The following SLC9A2 variants were observed in gnomAD, a reference collection of about 807,000 sequenced individuals.
SLC9A2 encodes the protein sodium/hydrogen exchanger 2.
In SLC9A2, 42 loss-of-function variants were observed where a neutral mutation model predicts 71.7. The ratio of observed to expected loss-of-function variants is 0.59; its 90% CI spans 0.46 to 0.76. The LOEUF (loss-of-function observed/expected upper bound fraction) is 0.76, where lower values mean the gene tolerates loss of function less well. SLC9A2 is among the 30% of genes least tolerant of loss of function. The pLI is 0.00. For synonymous variants in SLC9A2, 396 were observed against 392.5 expected (o/e 1.01, Z -0.10); for missense variants, 829 against 1,017.4 (o/e 0.81, Z 2.52).
At chr2:102,621,172 T>C (rs2012454) in intron 1 of SLC9A2, among the ~76,000 whole-genome samples, 48,502 of 151,150 alleles carry the variant, frequency 0.32, 8,559 homozygotes, top group Admixed American at 0.42. Context: ...ATCAATCAAT[T>C]AATTAATTAA....
intron 1 of SLC9A2, among the ~76,000 whole-genome samples, chr2:102,627,359 A>C (rs1162681872): frequency 6.6e-6 from 1 of 152,108 alleles, no homozygotes; most frequent in Non-Finnish European, 1.5e-5. Context: ...GGGTGATATA[A>C]AAACTCACCT....
intron 7 of SLC9A2, 138 bp from the exon 8 acceptor site, chr2:102,700,932 A>G (rs1677861645): frequency 3.2e-6 from 2 of 616,870 alleles, no homozygotes; most frequent in Non-Finnish European, 5.8e-6. Context: ...CATACTAAAT[A>G]TATAAAATGA....
intron 1 of SLC9A2, among the ~76,000 whole-genome samples, chr2:102,653,292 A>C (rs952734926): frequency 7.9e-5 from 12 of 152,354 alleles, no homozygotes; most frequent in African/African-American, 2.4e-4. Flanking sequence ...AGTACTCATA[A>C]AAGAAAGGAG....
intron 1 of SLC9A2, among the ~76,000 whole-genome samples, chr2:102,626,700 T>G (rs1318776334): frequency 1.3e-5 from 2 of 151,928 alleles, no homozygotes; most frequent in Non-Finnish European, 2.9e-5. Context: ...ATCCAGAATC[T>G]ACAAAGAACT....
chr2:102,694,441 T>C lies in SLC9A2; in HGVS notation c.1453T>C (p.Phe485Leu), dbSNP rs777911303. Residue 485 changes from phenylalanine to leucine, a missense_variant, in exon 6 of 12, where the codon TTT becomes CTT. Phe to Leu is a conservative substitution (Grantham distance 22). Coordinates refer to ENST00000233969, the MANE Select transcript of SLC9A2 (RefSeq NM_003048.6). ...LGITIRPLVEFLDVKRSNKKQ... is the reference protein window; with the variant it reads ...LGITIRPLVELLDVKRSNKKQ... ...AATAACTATTCGACCACTGGTGGAG[T>C]TTCTTGATGTCAAGAGGTCCAATAA... 1 of 1,529,116 alleles carries C rather than the reference T, an allele frequency of 6.5e-7. No homozygotes were observed. The highest frequency in any genetic ancestry group is 1.3e-5 in the South Asian group (1 of 74,966). 94.7% of individuals were successfully genotyped at this position (1,529,116 alleles called of 1,614,324 possible).
intron 3 of SLC9A2, 120 bp from the exon 4 acceptor site, chr2:102,683,141 C>T (rs764868984): frequency 3.0e-5 from 21 of 708,228 alleles, no homozygotes; most frequent in Non-Finnish European, 4.9e-5. Flanking sequence ...AAAAATCATT[C>T]GATGATGTTG....
chr2:102,632,063 C>T (rs1370579496), intron 1 of SLC9A2, among the ~76,000 whole-genome samples: 2 of 109,076 alleles, frequency 1.8e-5, no homozygotes, highest in African/African-American at 7.2e-5. Context: ...TATATATACA[C>T]ACACATATAT....
intron 9 of SLC9A2, 77 bp from the exon 10 acceptor site, chr2:102,704,465 TAA>T (rs1677933935): frequency 1.1e-5 from 15 of 1,424,346 alleles, no homozygotes; most frequent in Non-Finnish European, 1.5e-5. Flanking sequence ...AGAAATGTGG[TAA>T]AGTCTTGGAA....
In SLC9A2 at chr2:102,708,417, G is replaced by T. The variant is rs1431454381; in HGVS notation, c.2367G>T (p.Pro789=). The T allele has an allele frequency of 1.4e-5, 23 of 1,614,076 alleles. No individual in the cohort carries two copies. Among genetic ancestry groups the T allele is most frequent in the Non-Finnish European group, 1.7e-5 (20 of 1,180,046 alleles). ...TGACTGAAGGCATCCCGCCCAAGCCGCCACCACGGCTGGTCTGGAGGGCAT... is the reference window on the plus strand; with the variant it reads ...TGACTGAAGGCATCCCGCCCAAGCCTCCACCACGGCTGGTCTGGAGGGCAT... ...DSLTEGIPPK[P]PPRLVWRASE... is the part of the protein sequence containing the mutation. Residue 789 remains proline, a synonymous_variant, in exon 12 of 12, where the codon CCG becomes CCT. Transcript: ENST00000233969.
In SLC9A2 at chr2:102,710,624, G is replaced by A. The variant is rs2104562320; in HGVS notation, c.*2135G>A. ...TTATCAGTTTAAATTTTTTTTGTTT[G>A]TTGAATGACAAAGGCAATAAAAATA... On this transcript the variant is annotated 3_prime_UTR_variant, in exon 12 of 12. Coordinates refer to ENST00000233969, the MANE Select transcript of SLC9A2 (RefSeq NM_003048.6). 1 of 151,824 alleles carries A rather than the reference G, an allele frequency of 6.6e-6. No homozygotes were observed. Among genetic ancestry groups the A allele is most frequent in the African/African-American group, 2.4e-5 (1 of 41,252 alleles). 9.4% of individuals were successfully genotyped at this position (151,824 alleles called of 1,614,324 possible).
chr2:102,626,249 G>A (rs945324885), intron 1 of SLC9A2, among the ~76,000 whole-genome samples: 2 of 152,108 alleles, frequency 1.3e-5, no homozygotes, highest in Admixed American at 6.6e-5. Context: ...GCAGAACACA[G>A]CCCTCAGAAA....
intron 2 of SLC9A2, among the ~76,000 whole-genome samples, chr2:102,664,094 C>A (rs1677092812): frequency 6.6e-6 from 1 of 151,884 alleles, no homozygotes; most frequent in Non-Finnish European, 1.5e-5. Flanking sequence ...TGGCCAACAT[C>A]ATGAGACCCC....
At chr2:102,675,461 C>T (rs530993540) in intron 3 of SLC9A2, among the ~76,000 whole-genome samples, 2 of 152,244 alleles carry the variant, frequency 1.3e-5, no homozygotes, top group African/African-American at 4.8e-5. Context: ...TACACCATGA[C>T]ACTTACAACT....
chr2:102,667,347 C>A (rs939128201), intron 3 of SLC9A2, among the ~76,000 whole-genome samples: 1 of 152,196 alleles, frequency 6.6e-6, no homozygotes, highest in African/African-American at 2.4e-5. Context: ...TAGCAAGAGT[C>A]AGGGTATGAG....
At chr2:102,636,401 A>G (rs1166914742) in intron 1 of SLC9A2, among the ~76,000 whole-genome samples, 1 of 152,242 alleles carries the variant, frequency 6.6e-6, no homozygotes, top group Admixed American at 6.5e-5. Flanking sequence ...CACTTAATTG[A>G]AAAATGAAAT....
chr2:102,651,513 C>T (rs1327811144), intron 1 of SLC9A2, among the ~76,000 whole-genome samples: 1 of 152,212 alleles, frequency 6.6e-6, no homozygotes. Flanking sequence ...CAGGGCTTCA[C>T]TTCATTCAGG....
chr2:102,631,511 A>C (rs1262633211), intron 1 of SLC9A2, among the ~76,000 whole-genome samples: 1 of 151,878 alleles, frequency 6.6e-6, no homozygotes, highest in Non-Finnish European at 1.5e-5. Flanking sequence ...TCTCATTTTG[A>C]TTTCCTTATT....
chr2:102,627,784 A>G (rs1676277104), intron 1 of SLC9A2, among the ~76,000 whole-genome samples: 1 of 152,152 alleles, frequency 6.6e-6, no homozygotes, highest in Non-Finnish European at 1.5e-5. Flanking sequence ...TGAATTAAAA[A>G]CTTAACCCAT....
At chr2:102,704,762 A>C in intron 10 of SLC9A2, 87 bp downstream of exon 10, 1 of 1,434,454 alleles carries the variant, frequency 7.0e-7, no homozygotes, top group Non-Finnish European at 9.6e-7. Flanking sequence ...TCAGCTCTGC[A>C]GATCAAGTGG....
Sources: allele counts gnomAD v4.1 joint callset (sites outside exome capture counted in the v4.1 genomes callset), GRCh38; gene constraint gnomAD v4.1.1; transcripts MANE v1.5; gene names NCBI Gene and HGNC (gene_info 2026-07-23, HGNC 2026-07-21).